HOXB13: variants seen among roughly 807,000 people sequenced by gnomAD.
The protein encoded by HOXB13 is homeobox B13.
A neutral mutation model predicts 23.1 loss-of-function variants in HOXB13; 22 were observed. The ratio of observed to expected loss-of-function variants is 0.95; its 90% CI spans 0.68 to 1.36. The LOEUF (loss-of-function observed/expected upper bound fraction) is 1.36. Among genes scored for constraint, HOXB13 ranks in the 40% most tolerant of loss-of-function variants. The probability of loss-of-function intolerance (pLI) is 0.00; values close to 1 mark genes in which losing one functional copy is unlikely to be tolerated. For synonymous variants in HOXB13, 173 were observed against 157.9 expected (o/e 1.10, Z -0.72); for missense variants, 386 against 376.2 (o/e 1.03, Z -0.22).
At chr17:48,727,097 C>T (rs2143068353) in intron 1 of HOXB13, 54 bp from the exon 2 acceptor site, 1 of 1,584,060 alleles carries the variant, frequency 6.3e-7, no homozygotes, top group Non-Finnish European at 8.5e-7. Context: ...CCCACCCATG[C>T]AGACCCAGGC....
At position 48,726,950 on chromosome 17, in the gene HOXB13, T is replaced by C. The variant is rs1597932808; in HGVS notation, c.695A>G (p.Glu232Gly). 6.2e-7 allele frequency: 1 copy of C among 1,613,734 alleles called. No individual in the cohort carries two copies. Among genetic ancestry groups the C allele is most frequent in the Non-Finnish European group, 8.5e-7 (1 of 1,180,016 alleles). ...GAACTTGTTAGCCGCATACTCCCGC[T>C]CCAGCTCCCGCAACTGCCCCTTGCT... The part of the protein sequence containing the change: ...PYSKGQLREL[E>G]REYAANKFIT... The change falls in exon 2 of 2, where the codon GAG becomes GGG. Residue 232 changes from glutamate to glycine, a missense_variant. Glu to Gly is a moderately conservative substitution (Grantham distance 98). Coordinates refer to ENST00000290295, the MANE Select transcript of HOXB13 (RefSeq NM_006361.6).
In HOXB13 at chr17:48,726,846, G is replaced by A. The variant is rs778197145; in HGVS notation, c.799C>T (p.Arg267Cys). The change falls in exon 2 of 2, where the codon CGC becomes TGC. Residue 267 changes from arginine to cysteine, a missense_variant. Coordinates refer to ENST00000290295, the MANE Select transcript of HOXB13 (RefSeq NM_006361.6). ...AGAACCTTCTTCTCTTTGACCCGGC[G>A]GTTCTGAAACCAGATGGTAATCTGG... is the stretch of plus-strand genomic sequence containing the variant. ...ERQITIWFQN[R>C]RVKEKKVLAK... 2 of 1,614,140 alleles carry A rather than the reference G, an allele frequency of 1.2e-6. No homozygotes were observed. Among genetic ancestry groups the A allele is most frequent in the Non-Finnish European group, 1.7e-6 (2 of 1,180,036 alleles).
At position 48,728,264 on chromosome 17, in the gene HOXB13, G is replaced by T. The variant is rs33993186; in HGVS notation, c.330C>A (p.Pro110=). The T allele has an allele frequency of 1.5e-3, 2,486 of 1,614,186 alleles. 23 individuals carry two copies. In the African/African-American group the frequency reaches 0.021, roughly 14 times the overall value. Residue 110 remains proline, a synonymous_variant, in exon 1 of 2, where the codon CCC becomes CCA. Transcript: ENST00000290295. ...CTTCCCCGGCCGTGGGAGTCTCCGC[G>T]GGGTACGCGGCCAGGGTGGCTGCCT... The part of the protein sequence containing the change: ...CAQAATLAAY[P]AETPTAGEEY...
In HOXB13 at chr17:48,725,495, G is replaced by A. The variant is rs968664569; in HGVS notation, c.*1295C>T. 6.6e-6 allele frequency: 1 copy of A among 152,256 alleles called. No homozygotes were observed. Among genetic ancestry groups the A allele is most frequent in the Admixed American group, 6.5e-5 (1 of 15,276 alleles). 9.4% of individuals were successfully genotyped at this position (152,256 alleles called of 1,614,324 possible). A position where few individuals can be genotyped will look rare whatever the true frequency, so the allele number is the denominator to read the frequency against. ...GGGTTTCTAGGAGAGCTGGCTCCGG[G>A]AGGGAAATGTCCTCGAGGTAGTGGC... On this transcript the variant is annotated 3_prime_UTR_variant, in exon 2 of 2. Coordinates refer to ENST00000290295, the MANE Select transcript of HOXB13 (RefSeq NM_006361.6).
chr17:48,728,732 G>C lies in HOXB13; in HGVS notation c.-139C>G, dbSNP rs778818195. On this transcript the variant is annotated 5_prime_UTR_variant, in exon 1 of 2. Coordinates refer to ENST00000290295, the MANE Select transcript of HOXB13 (RefSeq NM_006361.6). The stretch of plus-strand genomic sequence containing the variant: ...CAAGTCGCCTGCATTCGCTCAGCAC[G>C]GCCGTCTTGACGCAAGAGACGCAGG... The C allele has an allele frequency of 5.5e-5, 44 of 795,152 alleles. No homozygotes were observed. The highest frequency in any genetic ancestry group is 7.5e-5 in the Non-Finnish European group (38 of 505,590). 49.3% of individuals were successfully genotyped at this position (795,152 alleles called of 1,614,324 possible).
intron 1 of HOXB13, 25 bp from the exon 2 acceptor site, chr17:48,727,068 G>C: frequency 1.2e-6 from 2 of 1,600,396 alleles, no homozygotes; most frequent in Non-Finnish European, 1.7e-6. Flanking sequence ...AGGGAGGGAG[G>C]AAAAGGCATG....
rs1453238599 is a variant in HOXB13, at chr17:48,724,787, G to A, written c.*2003C>T. 7 of 717,428 alleles carry A rather than the reference G, an allele frequency of 9.8e-6. No homozygotes were observed. The East Asian group carries it at 1.7e-4, about 17-fold the overall frequency. The allele number at this position is 717,428 out of a possible 1,614,324, so 44.4% of individuals were successfully genotyped here. A position where few individuals can be genotyped will look rare whatever the true frequency, so the allele number is the denominator to read the frequency against. Reference sequence around the variant, plus strand: ...CTTTTGTTTGCTCTGAATTTATTGCGAGTGAAAAACAGAGAAAATCCTCAA... The same window carrying A: ...CTTTTGTTTGCTCTGAATTTATTGCAAGTGAAAAACAGAGAAAATCCTCAA... On this transcript the variant is annotated 3_prime_UTR_variant, in exon 2 of 2. Coordinates refer to ENST00000290295, the MANE Select transcript of HOXB13 (RefSeq NM_006361.6).
At position 48,728,142 on chromosome 17, in the gene HOXB13, G is replaced by C. The variant is rs1555558604; in HGVS notation, c.452C>G (p.Thr151Ser). The C allele has an allele frequency of 1.2e-6, 2 of 1,614,230 alleles. No individual in the cohort carries two copies. Among genetic ancestry groups the C allele is most frequent in the Non-Finnish European group, 1.7e-6 (2 of 1,180,046 alleles). The change falls in exon 1 of 2, where the codon ACT becomes AGT. Residue 151 changes from threonine to serine, a missense_variant. Physicochemically the swap from Thr to Ser is moderately conservative, Grantham distance 58. Coordinates refer to ENST00000290295, the MANE Select transcript of HOXB13 (RefSeq NM_006361.6). ...TCGCGGTTCTCCAGGAGCACCCAGAGTCTGCACCACAGACACGTCCAGGTA... is the reference window on the plus strand; with the variant it reads ...TCGCGGTTCTCCAGGAGCACCCAGACTCTGCACCACAGACACGTCCAGGTA... ...ASYLDVSVVQ[T>S]LGAPGEPRHD... is the part of the protein sequence containing the mutation.
At position 48,728,193 on chromosome 17, in the gene HOXB13, G is replaced by A. The variant is rs1597934280; in HGVS notation, c.401C>T (p.Pro134Leu). 1 of 1,614,060 alleles carries A rather than the reference G, an allele frequency of 6.2e-7. No individual in the cohort carries two copies. Among genetic ancestry groups the A allele is most frequent in the East Asian group, 2.2e-5 (1 of 44,872 alleles). ...PTEFAFYPGY[P>L]GTYQPMASYL... ...ACTGGCCATAGGCTGGTAGGTTCCC[G>A]GATATCCCGGATAGAAGGCAAACTC... The change falls in exon 1 of 2, where the codon CCG becomes CTG. Residue 134 changes from proline (P) to leucine (L), a missense_variant. By Grantham distance (98) the Pro-to-Leu change is moderately conservative (BLOSUM62 -3). Coordinates refer to ENST00000290295, the MANE Select transcript of HOXB13 (RefSeq NM_006361.6).
At position 48,728,406 on chromosome 17, in the gene HOXB13, C is replaced by T. The variant is rs199813155; in HGVS notation, c.188G>A (p.Cys63Tyr). 3.3e-5 allele frequency: 54 copies of T among 1,613,548 alleles called. No homozygotes were observed. The highest frequency in any genetic ancestry group is 3.6e-5 in the Non-Finnish European group (42 of 1,179,930). Reference sequence around the variant, plus strand: ...CTGGGGCACCCCAGGGCATGGGTGGCATTGCTTTGGCGGCTCCGCCGAGCC... The same window carrying T: ...CTGGGGCACCCCAGGGCATGGGTGGTATTGCTTTGGCGGCTCCGCCGAGCC... ...LPGSAEPPKQ[C>Y]HPCPGVPQGT... Residue 63 changes from cysteine (C) to tyrosine (Y), a missense_variant, in exon 1 of 2, where the codon TGC (cysteine) becomes TAC (tyrosine). By Grantham distance (194) the Cys-to-Tyr change is radical. Transcript: ENST00000290295.
Position 48,725,126 on chromosome 17 carries a change from T to G in HOXB13, c.*1664A>C. The G allele has an allele frequency of 6.5e-6, 1 of 153,848 alleles. No homozygotes were observed. The allele number at this position is 153,848 out of a possible 1,614,324, so 9.5% of individuals were successfully genotyped here. On this transcript the variant is annotated 3_prime_UTR_variant, in exon 2 of 2. Transcript: ENST00000290295. ...AGTAAGAACCTGCGATATTGAAAGC[T>G]ACCCACATGGGGCTTCCTTGAAGGA...
chr17:48,728,240 T>C lies in HOXB13; in HGVS notation c.354A>G (p.Glu118=). The C allele has an allele frequency of 1.2e-6, 2 of 1,614,184 alleles. No homozygotes were observed. Among genetic ancestry groups the C allele is most frequent in the Non-Finnish European group, 1.7e-6 (2 of 1,180,028 alleles). ...AYPAETPTAG[E]EYPSRPTEFA... is the part of the protein sequence containing the mutation. Reference sequence around the variant, plus strand: ...ACTCAGTGGGGCGGCTGGGGTACTCTTCCCCGGCCGTGGGAGTCTCCGCGG... The same window carrying C: ...ACTCAGTGGGGCGGCTGGGGTACTCCTCCCCGGCCGTGGGAGTCTCCGCGG... The change falls in exon 1 of 2, where the codon GAA becomes GAG. Residue 118 remains glutamate, a synonymous_variant. Transcript: ENST00000290295.
At position 48,726,814 on chromosome 17, in the gene HOXB13, C is replaced by T. The variant is rs2143065206; in HGVS notation, c.831G>A (p.Lys277=). The change falls in exon 2 of 2, where the codon AAG becomes AAA. Residue 277 remains lysine (K), a synonymous_variant. Coordinates refer to ENST00000290295, the MANE Select transcript of HOXB13 (RefSeq NM_006361.6). ...CTTAAGGGGTAGCGCTGTTCTTCAC[C>T]TTGGCGAGAACCTTCTTCTCTTTGA... is the stretch of plus-strand genomic sequence containing the variant. ...RRVKEKKVLA[K]VKNSATP The T allele has an allele frequency of 6.2e-7, 1 of 1,614,206 alleles. No homozygotes were observed. Among genetic ancestry groups the T allele is most frequent in the Non-Finnish European group, 8.5e-7 (1 of 1,180,030 alleles).
Position 48,728,744 on chromosome 17 carries a change from G to GC in HOXB13, c.-152dup, listed in dbSNP as rs2038246603. On this transcript the variant is annotated 5_prime_UTR_variant, in exon 1 of 2. Transcript: ENST00000290295. Reference sequence around the variant, plus strand: ...ATTCGCTCAGCACGGCCGTCTTGACGCAAGAGACGCAGGGGCCCGGGCACG... The same window carrying GC: ...ATTCGCTCAGCACGGCCGTCTTGACGCCAAGAGACGCAGGGGCCCGGGCACG... The GC allele has an allele frequency of 1.4e-6, 1 of 706,038 alleles. No individual in the cohort carries two copies. Among genetic ancestry groups the GC allele is most frequent in the South Asian group, 1.9e-5 (1 of 52,742 alleles). The allele number at this position is 706,038 out of a possible 1,614,324, so 43.7% of individuals were successfully genotyped here.
Position 48,727,977 on chromosome 17 carries a change from AG to A in HOXB13, c.601+15del. ...CCCAGGCTCAGAGACAAGGGGACCC[AG>A]GGTAATAGAGGTACCTGCAAATGCT... On this transcript the variant is annotated intron_variant, in intron 1 of 1. Transcript: ENST00000290295. 1.2e-6 allele frequency: 2 copies of A among 1,606,432 alleles called. No individual in the cohort carries two copies. Among genetic ancestry groups the A allele is most frequent in the South Asian group, 1.1e-5 (1 of 90,552 alleles).
chr17:48,728,535 C>T lies in HOXB13; in HGVS notation c.59G>A (p.Gly20Glu). 6.2e-7 allele frequency: 1 copy of T among 1,613,224 alleles called. No homozygotes were observed. Among genetic ancestry groups the T allele is most frequent in the Non-Finnish European group, 8.5e-7 (1 of 1,179,966 alleles). The change falls in exon 1 of 2, where the codon GGA becomes GAA. Residue 20 changes from glycine to glutamate, a missense_variant. Coordinates refer to ENST00000290295, the MANE Select transcript of HOXB13 (RefSeq NM_006361.6). ...DGAKDIEGLL[G>E]AGGGRNLVAH... ...GACCAGATTCCGCCCCCCTCCCGCT[C>T]CCAGCAAGCCTTCGATATCCTTGGC... is the stretch of plus-strand genomic sequence containing the variant.
At position 48,726,489 on chromosome 17, in the gene HOXB13, C is replaced by T. The variant is rs2280353; in HGVS notation, c.*301G>A. 814 of 415,750 alleles carry T rather than the reference C, an allele frequency of 2.0e-3. 2 individuals carry two copies. The highest frequency in any genetic ancestry group is 4.8e-3 in the East Asian group (119 of 24,764). The allele number at this position is 415,750 out of a possible 1,614,324, so 25.8% of individuals were successfully genotyped here. On this transcript the variant is annotated 3_prime_UTR_variant, in exon 2 of 2. Coordinates refer to ENST00000290295, the MANE Select transcript of HOXB13 (RefSeq NM_006361.6). ...CTCTAGATAGAAAATATGAGGCTAA[C>T]GATCATGGCAGCTAGTACTGGTTAT...
In HOXB13 at chr17:48,728,076, G is replaced by A. The variant is rs2038231316; in HGVS notation, c.518C>T (p.Ala173Val). 1.2e-6 allele frequency: 2 copies of A among 1,614,232 alleles called. No individual in the cohort carries two copies. The highest frequency in any genetic ancestry group is 1.7e-6 in the Non-Finnish European group (2 of 1,180,038). ...LLPVDSYQSW[A>V]LAGGWNSQMC... ...CTGGCTGTTCCAGCCACCAGCGAGA[G>A]CCCAAGACTGGTAACTGTCCACAGG... The change falls in exon 1 of 2, where the codon GCT (alanine) becomes GTT (valine). Residue 173 changes from alanine (A) to valine (V), a missense_variant. Transcript: ENST00000290295.
Position 48,724,858 on chromosome 17 carries a change from TC to T in HOXB13, c.*1931del. On this transcript the variant is annotated 3_prime_UTR_variant, in exon 2 of 2. Transcript: ENST00000290295. Reference sequence around the variant, plus strand: ...AGTGTGGGAGTTAGAGCATGGGGAGTCCAGAGGTTCCAGACCCCCAAAGGTC... The same window carrying T: ...AGTGTGGGAGTTAGAGCATGGGGAGTCAGAGGTTCCAGACCCCCAAAGGTC... 1 of 421,936 alleles carries T rather than the reference TC, an allele frequency of 2.4e-6. No individual in the cohort carries two copies. The highest frequency in any genetic ancestry group is 4.0e-6 in the Non-Finnish European group (1 of 250,044). The allele number at this position is 421,936 out of a possible 1,614,324, so 26.1% of individuals were successfully genotyped here.
Sources: gnomAD v4.1 joint callset for allele counts on GRCh38, gnomAD v4.1.1 for gene constraint, MANE v1.5 for transcripts, NCBI Gene and HGNC (gene_info 2026-07-23, HGNC 2026-07-21) for gene names.